The following CADPS variants were observed in gnomAD, a reference collection of about 807,000 sequenced individuals.
CADPS encodes the protein calcium-dependent secretion activator 1.
Under a neutral mutation model 167.3 loss-of-function variants are expected in CADPS, and 57 were observed. The observed-to-expected ratio is 0.34, with a 90% CI of 0.28 to 0.42. The LOEUF is 0.42. Ranked by LOEUF, CADPS falls within the 20% of genes least tolerant of loss-of-function variation. CADPS has a pLI of 1.00. For synonymous variants in CADPS, 676 were observed against 635.3 expected (o/e 1.06, Z -0.96); for missense variants, 1,414 against 1,738.1 (o/e 0.81, Z 3.32).
chr3:62,475,584 GAAAAAAAA>G (rs34263556), intron 23 of CADPS, among the ~76,000 whole-genome samples: 7 of 55,952 alleles, frequency 1.3e-4, no homozygotes, highest in Admixed American at 2.5e-4. Flanking sequence ...CAGTTCTTAA[GAAAAAAAA>G]AAAAAAAAAA....
intron 1 of CADPS, among the ~76,000 whole-genome samples, chr3:62,830,635 T>C (rs901348923): frequency 3.3e-5 from 5 of 152,022 alleles, no homozygotes; most frequent in South Asian, 2.1e-4. Flanking sequence ...CTACAGAAAA[T>C]TGGAGCTTTA....
chr3:62,801,576 T>A (rs1338063587), intron 1 of CADPS, among the ~76,000 whole-genome samples: 1 of 152,178 alleles, frequency 6.6e-6, no homozygotes, highest in African/African-American at 2.4e-5. Context: ...ATGAAATCTG[T>A]GGTTCCATGT....
chr3:62,604,531 CAG>C (rs1158999996), intron 6 of CADPS, among the ~76,000 whole-genome samples: 1 of 152,224 alleles, frequency 6.6e-6, no homozygotes, highest in African/African-American at 2.4e-5. Flanking sequence ...TAAGAAAATA[CAG>C]AGTTGGGCAA....
intron 7 of CADPS, among the ~76,000 whole-genome samples, chr3:62,588,367 C>T (rs936289836): frequency 1.3e-5 from 2 of 148,764 alleles, no homozygotes; most frequent in African/African-American, 4.9e-5. Context: ...ATGTCTGTGT[C>T]CCTTATGCTT....
intron 3 of CADPS, among the ~76,000 whole-genome samples, chr3:62,713,583 G>C (rs773935462): frequency 2.8e-4 from 42 of 152,208 alleles, no homozygotes; most frequent in African/African-American, 1.0e-3. Context: ...GCTATTCTGG[G>C]CATACTGCCT....
At chr3:62,819,407 CGTGT>C (rs3047244) in intron 1 of CADPS, among the ~76,000 whole-genome samples, 29,556 of 143,916 alleles carry the variant, frequency 0.21, 3,020 homozygotes, top group Middle Eastern at 0.33. Context: ...AATCTGTGTG[CGTGT>C]GTGTGTGTGT....
chr3:62,577,719 C>T (rs1422674350), intron 8 of CADPS, among the ~76,000 whole-genome samples: 1 of 152,188 alleles, frequency 6.6e-6, no homozygotes, highest in East Asian at 1.9e-4. Context: ...AACAACCCTA[C>T]AAGACAAACA....
intron 3 of CADPS, among the ~76,000 whole-genome samples, chr3:62,721,354 T>C (rs967837589): frequency 6.6e-6 from 1 of 152,002 alleles, no homozygotes; most frequent in Non-Finnish European, 1.5e-5. Flanking sequence ...TAGCCAGGTT[T>C]ACTCAGGAGC....
chr3:62,427,164 G>T (rs1216502278), intron 28 of CADPS, among the ~76,000 whole-genome samples: 1 of 151,894 alleles, frequency 6.6e-6, no homozygotes, highest in Non-Finnish European at 1.5e-5. Context: ...CTGAGTTTTT[G>T]TTGAAGCATT....
In CADPS at chr3:62,691,331, G is replaced by C. The variant is rs926346553; in HGVS notation, c.889-28937C>G. 2.0e-5 allele frequency among the ~76,000 whole-genome samples: 3 copies of C among 152,044 alleles called. No homozygotes were observed. The East Asian group carries it at 5.8e-4, about 30-fold the overall frequency. ...CCTAATGTAAACCATGGACTTTGGG[G>C]GATAATGATATATCAGTGTAGGCTC... On this transcript the variant is annotated intron_variant, in intron 3 of 29. Coordinates refer to ENST00000383710, the MANE Select transcript of CADPS (RefSeq NM_003716.4).
intron 9 of CADPS, among the ~76,000 whole-genome samples, chr3:62,562,668 G>A (rs970346966): frequency 6.6e-6 from 1 of 152,134 alleles, no homozygotes; most frequent in Non-Finnish European, 1.5e-5. Flanking sequence ...GTGCATGCAG[G>A]CCATTCATTG....
intron 3 of CADPS, among the ~76,000 whole-genome samples, chr3:62,737,356 C>T (rs2079186395): frequency 6.6e-6 from 1 of 151,710 alleles, no homozygotes; most frequent in Non-Finnish European, 1.5e-5. Context: ...GTAGTCCCAG[C>T]TACTCAGGAG....
intron 1 of CADPS, among the ~76,000 whole-genome samples, chr3:62,799,457 G>C (rs561102776): frequency 2.6e-5 from 4 of 152,220 alleles, no homozygotes; most frequent in Admixed American, 2.0e-4. Flanking sequence ...TACCTTCACA[G>C]ACTGATCCTA....
At chr3:62,423,342 A>G (rs1277302718) in intron 28 of CADPS, among the ~76,000 whole-genome samples, 1 of 152,326 alleles carries the variant, frequency 6.6e-6, no homozygotes. Context: ...TTGTTAGTGG[A>G]CAAGCTGTGA....
chr3:62,805,271 C>T (rs552137158), intron 1 of CADPS, among the ~76,000 whole-genome samples: 142 of 152,174 alleles, frequency 9.3e-4, no homozygotes, highest in Non-Finnish European at 1.7e-3. Flanking sequence ...TCAAGCGCTG[C>T]TTTCTGTGCC....
intron 3 of CADPS, among the ~76,000 whole-genome samples, chr3:62,689,783 T>C (rs528995036): frequency 2.6e-5 from 4 of 152,128 alleles, no homozygotes; most frequent in African/African-American, 9.6e-5. Context: ...AATAGCTCCT[T>C]GAGGCAAGTG....
chr3:62,837,280 G>A (rs2076032084), intron 1 of CADPS, among the ~76,000 whole-genome samples: 1 of 152,144 alleles, frequency 6.6e-6, no homozygotes, highest in South Asian at 2.1e-4. Flanking sequence ...TGACTGAGCT[G>A]TGATGAAAGC....
rs537470388 is a variant in CADPS at position 62,493,549 on chromosome 3, T to G, written c.2727+96A>C. The stretch of plus-strand genomic sequence containing the variant: ...GGTTTGTTCAATGGCCAAGCTCTTC[T>G]GTGATCTATTAGTTATTAGAGGGAT... On this transcript the variant is annotated intron_variant, in intron 19 of 29. Transcript: ENST00000383710. 4.5e-4 allele frequency: 407 copies of G among 904,886 alleles called. 2 individuals are homozygous for G. The highest frequency in any genetic ancestry group is 5.6e-4 in the Non-Finnish European group (321 of 578,206). The allele number at this position is 904,886 out of a possible 1,614,324, so 56.1% of individuals were successfully genotyped here. A position where few individuals can be genotyped will look rare whatever the true frequency, so the allele number is the denominator to read the frequency against.
chr3:62,456,674 T>C (rs182578115), intron 26 of CADPS, among the ~76,000 whole-genome samples: 40 of 151,910 alleles, frequency 2.6e-4, no homozygotes, highest in Admixed American at 5.2e-4. Flanking sequence ...ATGTGGTACA[T>C]ATCCTGCACT....
Sources: gnomAD v4.1 joint callset for allele counts (sites outside exome capture counted in the v4.1 genomes callset) on GRCh38, gnomAD v4.1.1 for gene constraint, MANE v1.5 for transcripts, NCBI Gene and HGNC (gene_info 2026-07-23, HGNC 2026-07-21) for gene names.